Variants in PTPRD observed in about 807,000 individuals in gnomAD.
PTPRD encodes the protein protein tyrosine phosphatase receptor type D.
In PTPRD, 34 loss-of-function variants were observed where a neutral mutation model predicts 214.5. The observed-to-expected ratio is 0.16, with a 90% confidence interval of 0.12 to 0.21. The LOEUF (loss-of-function observed/expected upper bound fraction) is 0.21, where lower values mean the gene tolerates loss of function less well. PTPRD is among the 10% of genes least tolerant of loss of function. The probability of loss-of-function intolerance (pLI) is 1.00; values close to 1 mark genes in which losing one functional copy is unlikely to be tolerated. For synonymous variants in PTPRD, 1,128 were observed against 845.7 expected, an observed-to-expected ratio of 1.33 and a Z score of -5.79; for missense variants, 2,545 against 2,398.7, an observed-to-expected ratio of 1.06 and a Z score of -1.27.
At chr9:8,730,733 T>G (rs1373707329) in intron 12 of PTPRD, among the ~76,000 whole-genome samples, 3 of 152,186 alleles carry the variant, frequency 2.0e-5, no homozygotes. Flanking sequence ...ATTACTATAA[T>G]CTATATGAAT....
At chr9:8,719,963 T>A (rs527270015) in intron 12 of PTPRD, among the ~76,000 whole-genome samples, 2 of 152,336 alleles carry the variant, frequency 1.3e-5, no homozygotes, top group African/African-American at 4.8e-5. Context: ...CTCAAGCTGG[T>A]AGATGCTTCA....
At chr9:9,130,192 G>C (rs981070420) in intron 10 of PTPRD, among the ~76,000 whole-genome samples, 16 of 152,198 alleles carry the variant, frequency 1.1e-4, no homozygotes, top group African/African-American at 3.4e-4. Context: ...ATAATGAGTG[G>C]TTTGACAGGA....
chr9:8,534,186 C>T (rs1167031574), intron 14 of PTPRD, among the ~76,000 whole-genome samples: 1 of 151,956 alleles, frequency 6.6e-6, no homozygotes, highest in African/African-American at 2.4e-5. Flanking sequence ...CTTCATTTTA[C>T]AGGAGGCTTT....
At chr9:9,365,151 G>C (rs570781605) in intron 9 of PTPRD, among the ~76,000 whole-genome samples, 46 of 151,526 alleles carry the variant, frequency 3.0e-4, no homozygotes, top group Admixed American at 2.8e-3. Context: ...CAGCAGAGAG[G>C]ACAAATACAA....
At chr9:10,075,346 G>T (rs1180469476) in intron 3 of PTPRD, among the ~76,000 whole-genome samples, 1 of 151,814 alleles carries the variant, frequency 6.6e-6, no homozygotes, top group Non-Finnish European at 1.5e-5. Flanking sequence ...GGATAATTGT[G>T]AAAAAACAGA....
chr9:8,339,657 C>G (rs180973716), intron 42 of PTPRD, among the ~76,000 whole-genome samples: 15 of 152,150 alleles, frequency 9.9e-5, no homozygotes, highest in East Asian at 5.8e-4. Flanking sequence ...TGGGCTTTAG[C>G]TGCACTTCTA....
rs1437489997 is a variant in PTPRD at position 9,590,904 on chromosome 9, C to T, written c.-286-16123G>A. On this transcript the variant is annotated intron_variant, in intron 7 of 45. Coordinates refer to ENST00000381196, the MANE Select transcript of PTPRD (RefSeq NM_002839.4). ...GAAAGTCATTTGCTTTGGGTATTATCGTGTTTTGGAGGAACAGAAGATGCA... is the reference window on the plus strand; with the variant it reads ...GAAAGTCATTTGCTTTGGGTATTATTGTGTTTTGGAGGAACAGAAGATGCA... Among the ~76,000 whole-genome samples, 6 of 152,060 alleles carry T rather than the reference C, an allele frequency of 3.9e-5. No individual in the cohort carries two copies. The South Asian group carries it at 1.0e-3, about 26-fold the overall frequency.
At chr9:10,352,320 C>G (rs1565479994) in intron 2 of PTPRD, among the ~76,000 whole-genome samples, 2 of 152,008 alleles carry the variant, frequency 1.3e-5, no homozygotes, top group African/African-American at 4.8e-5. Flanking sequence ...GCTAGAAGTA[C>G]TTGACTCAAT....
intron 33 of PTPRD, among the ~76,000 whole-genome samples, chr9:8,457,723 T>A (rs1248700877): frequency 6.6e-6 from 1 of 152,078 alleles, no homozygotes; most frequent in African/African-American, 2.4e-5. Context: ...ATAATGTGAG[T>A]CAACAACGTT....
chr9:9,834,117 A>G (rs537725100), intron 5 of PTPRD, among the ~76,000 whole-genome samples: 1 of 152,200 alleles, frequency 6.6e-6, no homozygotes, highest in South Asian at 2.1e-4. Context: ...GACAGGCATA[A>G]GAAATTACAA....
At chr9:9,955,526 G>GTTTTTTTT (rs779657484) in intron 4 of PTPRD, among the ~76,000 whole-genome samples, 1 of 134,026 alleles carries the variant, frequency 7.5e-6, no homozygotes, top group African/African-American at 2.6e-5. Flanking sequence ...GTTTTGTTTT[G>GTTTTTTTT]TTTTTTTTTT....
At chr9:8,802,956 G>A (rs1283635505) in intron 11 of PTPRD, among the ~76,000 whole-genome samples, 1 of 152,106 alleles carries the variant, frequency 6.6e-6, no homozygotes, top group Non-Finnish European at 1.5e-5. Context: ...GGAGGCTGAG[G>A]TTAGGAGGAT....
chr9:10,090,915 A>AAT (rs34109963), intron 3 of PTPRD, among the ~76,000 whole-genome samples: 2 of 119,666 alleles, frequency 1.7e-5, no homozygotes, highest in South Asian at 3.1e-4. Flanking sequence ...ATATAAATGA[A>AAT]ATATACACAC....
At chr9:10,229,743 C>G (rs1006671796) in intron 3 of PTPRD, among the ~76,000 whole-genome samples, 1 of 151,706 alleles carries the variant, frequency 6.6e-6, no homozygotes, top group South Asian at 2.1e-4. Flanking sequence ...AGGAGATATA[C>G]CTAATGCTAA....
chr9:9,271,149 G>A (rs974732952), intron 9 of PTPRD, among the ~76,000 whole-genome samples: 2 of 151,154 alleles, frequency 1.3e-5, no homozygotes, highest in African/African-American at 4.8e-5. Context: ...TTAGAAAAAA[G>A]AAAGCCACTC....
chr9:9,128,200 A>G (rs542577885), intron 10 of PTPRD, among the ~76,000 whole-genome samples: 33 of 152,332 alleles, frequency 2.2e-4, no homozygotes, highest in Admixed American at 7.2e-4. Context: ...TAATTTAAAA[A>G]ATAAAACTCA....
At chr9:10,467,441 A>G (rs531304094) in intron 2 of PTPRD, among the ~76,000 whole-genome samples, 40 of 152,322 alleles carry the variant, frequency 2.6e-4, no homozygotes, top group African/African-American at 9.4e-4. Flanking sequence ...AAGTCTTACT[A>G]CACATGCACT....
chr9:9,159,887 A>G (rs2099884927), intron 10 of PTPRD, among the ~76,000 whole-genome samples: 1 of 152,208 alleles, frequency 6.6e-6, no homozygotes, highest in Non-Finnish European at 1.5e-5. Flanking sequence ...GAGAAAGCCC[A>G]GAAATAAATC....
At chr9:9,354,700 G>T (rs546353449) in intron 9 of PTPRD, among the ~76,000 whole-genome samples, 2 of 151,840 alleles carry the variant, frequency 1.3e-5, no homozygotes, top group African/African-American at 4.8e-5. Context: ...GATAGTAAAG[G>T]TATCAGGGTA....
Sources: gnomAD v4.1 joint callset for allele counts (sites outside exome capture counted in the v4.1 genomes callset) on GRCh38, gnomAD v4.1.1 for gene constraint, MANE v1.5 for transcripts, NCBI Gene and HGNC (gene_info 2026-07-23, HGNC 2026-07-21) for gene names.